The following SLC17A1 variants were observed in gnomAD, a reference collection of about 807,000 sequenced individuals.
SLC17A1 encodes the protein solute carrier family 17 member 1, also known as sodium-dependent phosphate transport protein 1.
SLC17A1 carries 51 observed loss-of-function variants against 53.5 expected under a neutral mutation model. The ratio of observed to expected loss-of-function variants is 0.95; its 90% CI spans 0.76 to 1.20. The LOEUF is 1.20. Ranked by LOEUF, SLC17A1 falls within the 50% of genes most tolerant of loss-of-function variation. The pLI, the probability that SLC17A1 is intolerant of heterozygous loss-of-function variation, is 0.00. For missense variants in SLC17A1, 538 were observed against 568.2 expected, an observed-to-expected ratio of 0.95 and a Z score of 0.54; for synonymous variants, 179 against 198.8, an observed-to-expected ratio of 0.90 and a Z score of 0.84.
At chr6:25,806,067 A>G (rs550563632) in intron 10 of SLC17A1, among the ~76,000 whole-genome samples, 68 of 152,226 alleles carry the variant, frequency 4.5e-4, no homozygotes, top group Non-Finnish European at 7.7e-4. Flanking sequence ...AGAAAAGGCT[A>G]TAACAGAAAA....
At chr6:25,755,810 C>G in the SLC17A1 span, among the ~76,000 whole-genome samples, 6 of 152,272 alleles carry the variant, frequency 3.9e-5, no homozygotes, top group South Asian at 1.0e-3. Context: ...TCTTGCTTTT[C>G]CTCTGGAACC....
chr6:25,773,495 ATG>A, the SLC17A1 span: 1 of 1,613,432 alleles, frequency 6.2e-7, no homozygotes, highest in African/African-American at 1.3e-5. Flanking sequence ...GGGGACATTG[ATG>A]TGTGCTTTCT....
At chr6:25,732,428 C>T in the SLC17A1 span, 4 of 273,508 alleles carry the variant, frequency 1.5e-5, no homozygotes, top group South Asian at 4.8e-5. Context: ...TCCGTTATAA[C>T]TTTTAGTTTT....
intron 12 of SLC17A1, among the ~76,000 whole-genome samples, chr6:25,793,711 A>C (rs938168992): frequency 2.0e-5 from 3 of 152,162 alleles, no homozygotes; most frequent in African/African-American, 7.2e-5. Context: ...TTCTTAATCC[A>C]GGGTCTGTGA....
intron 10 of SLC17A1, among the ~76,000 whole-genome samples, chr6:25,806,978 A>G (rs1763977816): frequency 6.6e-6 from 1 of 152,178 alleles, no homozygotes; most frequent in African/African-American, 2.4e-5. Flanking sequence ...ATAGTGAGAT[A>G]CTACCTTACT....
the SLC17A1 span, among the ~76,000 whole-genome samples, chr6:25,760,923 G>A: frequency 4.6e-5 from 7 of 152,100 alleles, no homozygotes; most frequent in South Asian, 2.1e-4. Context: ...TTGGAAGTTC[G>A]CAGTAGTTTA....
At chr6:25,824,373 T>C (rs933930601) in intron 3 of SLC17A1, among the ~76,000 whole-genome samples, 2 of 151,794 alleles carry the variant, frequency 1.3e-5, no homozygotes, top group African/African-American at 4.8e-5. Flanking sequence ...AAAAATAAAC[T>C]ATGATGCCCT....
At chr6:25,782,894 G>T (rs186394525), downstream of SLC17A1, 2 of 152,256 alleles carry the variant, frequency 1.3e-5, no homozygotes, top group Admixed American at 6.5e-5. Flanking sequence ...TGTGGAAAAA[G>T]TCTTTCATGA....
the SLC17A1 span, among the ~76,000 whole-genome samples, chr6:25,752,622 A>G: frequency 3.9e-5 from 6 of 152,356 alleles, no homozygotes; most frequent in African/African-American, 1.4e-4. Flanking sequence ...TGGTAATCAC[A>G]GCTTAAAACA....
At chr6:25,791,788 C>T (rs562165621) in intron 12 of SLC17A1, among the ~76,000 whole-genome samples, 5 of 152,356 alleles carry the variant, frequency 3.3e-5, no homozygotes, top group Admixed American at 6.5e-5. Context: ...GAAATTCTTT[C>T]CTGCCCATTG....
chr6:25,739,767 T>G, the SLC17A1 span, among the ~76,000 whole-genome samples: 1 of 152,190 alleles, frequency 6.6e-6, no homozygotes, highest in Non-Finnish European at 1.5e-5. Context: ...ACTTAATGGT[T>G]TCCAGGGGTT....
chr6:25,776,946 G>C, the SLC17A1 span: 1 of 1,612,534 alleles, frequency 6.2e-7, no homozygotes, highest in Non-Finnish European at 8.5e-7. Flanking sequence ...TAACTTCTTG[G>C]ATATTGCTCC....
rs966602894 is a variant in SLC17A1, at chr6:25,819,168, A to G, written c.530-14T>C. 13 of 1,550,546 alleles carry G rather than the reference A, an allele frequency of 8.4e-6. No homozygotes were observed. The African/African-American group carries it at 1.8e-4, about 21-fold the overall frequency. On this transcript the variant is annotated splice_polypyrimidine_tract_variant and intron_variant, in intron 5 of 12. Transcript: ENST00000244527. ...CCAGCAAAAACCCTAATCAGTAGGT[A>G]CAAAGAACACCCCTAATTAATGCAG...
At chr6:25,750,014 G>T in the SLC17A1 span, among the ~76,000 whole-genome samples, 1 of 152,178 alleles carries the variant, frequency 6.6e-6, no homozygotes, top group South Asian at 2.1e-4. Flanking sequence ...ACTAATTAAG[G>T]CTTCATCTCT....
At chr6:25,826,939 T>G (rs1165366943) in intron 2 of SLC17A1, among the ~76,000 whole-genome samples, 1 of 152,150 alleles carries the variant, frequency 6.6e-6, no homozygotes, top group African/African-American at 2.4e-5. Context: ...CTCTTGGACA[T>G]AAGTCCCCCT....
chr6:25,828,497 C>T (rs775557437), intron 2 of SLC17A1, among the ~76,000 whole-genome samples: 57 of 152,020 alleles, frequency 3.7e-4, no homozygotes, highest in Admixed American at 5.9e-4. Flanking sequence ...TGTGGAGTGA[C>T]ATGTATACAT....
intron 2 of SLC17A1, among the ~76,000 whole-genome samples, chr6:25,827,451 GT>G (rs1561845091): frequency 6.6e-6 from 1 of 152,078 alleles, no homozygotes. Context: ...ACAAAAACAT[GT>G]TCAGTTAAAG....
At chr6:25,726,851 A>G in the SLC17A1 span, 16 of 1,545,004 alleles carry the variant, frequency 1.0e-5, no homozygotes, top group African/African-American at 2.7e-5. Context: ...TGAGCACTGG[A>G]AAGTGCTGTG....
downstream of SLC17A1, chr6:25,777,950 A>G (rs1018115535): frequency 1.9e-6 from 3 of 1,613,184 alleles, no homozygotes; most frequent in Admixed American, 1.7e-5. Context: ...TCAAAGGACT[A>G]TTGCAAGTCT....
Sources: gnomAD v4.1 joint callset for allele counts (sites outside exome capture counted in the v4.1 genomes callset) on GRCh38, gnomAD v4.1.1 for gene constraint, MANE v1.5 for transcripts, NCBI Gene and HGNC (gene_info 2026-07-23, HGNC 2026-07-21) for gene names.